The following ZNF385B variants were observed in gnomAD, a reference collection of about 807,000 sequenced individuals.
ZNF385B encodes zinc finger protein 385B.
ZNF385B carries 23 observed loss-of-function variants against 39.2 expected under a neutral mutation model. The observed-to-expected ratio is 0.59, with a 90% CI of 0.42 to 0.83. The LOEUF (loss-of-function observed/expected upper bound fraction) is 0.83. Ranked by LOEUF, ZNF385B falls within the 40% of genes least tolerant of loss-of-function variation. The pLI is 0.00. For synonymous variants in ZNF385B, 205 were observed against 222.6 expected (o/e 0.92, Z 0.70); for missense variants, 552 against 598.9 (o/e 0.92, Z 0.82).
intron 3 of ZNF385B, among the ~76,000 whole-genome samples, chr2:179,639,505 T>C (rs1692075479): frequency 6.6e-6 from 1 of 152,118 alleles, no homozygotes; most frequent in East Asian, 1.9e-4. Context: ...CAAAATATAA[T>C]ATTGTACAAG....
chr2:179,617,440 T>G (rs1689844687), intron 3 of ZNF385B, among the ~76,000 whole-genome samples: 3 of 152,220 alleles, frequency 2.0e-5, no homozygotes, highest in Non-Finnish European at 4.4e-5. Context: ...CAGAAAATTG[T>G]AAAGCATTGA....
At position 179,554,168 on chromosome 2, in the gene ZNF385B, C is replaced by G. The variant is rs2060757556; in HGVS notation, c.299-9199G>C. ...AAGCTTCAGTTACTGTGGTTACTAA[C>G]TACTCCTAATCCTTGACACTATGCC... is the stretch of plus-strand genomic sequence containing the variant. On this transcript the variant is annotated intron_variant, in intron 3 of 9. Coordinates refer to ENST00000410066, the MANE Select transcript of ZNF385B (RefSeq NM_152520.6). 1.3e-5 allele frequency among the ~76,000 whole-genome samples: 2 copies of G among 149,228 alleles called. 1 individual carries two copies. The highest frequency in any genetic ancestry group is 5.1e-5 in the African/African-American group (2 of 39,596).
intron 3 of ZNF385B, among the ~76,000 whole-genome samples, chr2:179,635,481 A>C (rs1042601158): frequency 3.9e-5 from 6 of 152,212 alleles, no homozygotes; most frequent in African/African-American, 1.4e-4. Flanking sequence ...ACGTATACCT[A>C]TGTATCAAAC....
Position 179,569,529 on chromosome 2 carries a change from G to A in ZNF385B, c.299-24560C>T, listed in dbSNP as rs541511081. On this transcript the variant is annotated intron_variant, in intron 3 of 9. Coordinates refer to ENST00000410066, the MANE Select transcript of ZNF385B (RefSeq NM_152520.6). ...CTGTGAAAACAGCATAATTTTCTAG[G>A]ACATGTTGTGAAGGCTGAGGTGATA... 9.3e-4 allele frequency among the ~76,000 whole-genome samples: 141 copies of A among 152,228 alleles called. 2 individuals carry two copies. The South Asian group carries it at 0.018, about 20-fold the overall frequency.
intron 6 of ZNF385B, 95 bp downstream of exon 6, chr2:179,483,177 A>G: frequency 7.4e-7 from 1 of 1,360,264 alleles, no homozygotes; most frequent in Non-Finnish European, 1.0e-6. Context: ...CAAATCATGG[A>G]GAGTAACATG....
Position 179,846,724 on chromosome 2 carries a change from T to C in ZNF385B, c.-155+14377A>G, listed in dbSNP as rs563782170. On this transcript the variant is annotated intron_variant, in intron 1 of 9. Coordinates refer to ENST00000410066, the MANE Select transcript of ZNF385B (RefSeq NM_152520.6). ...GAATTTAATGTGCAAACAAAACCCC[T>C]GAAGGTTTAAAGTAGAGATCCTGAT... Among the ~76,000 whole-genome samples, 133 of 152,342 alleles carry C rather than the reference T, an allele frequency of 8.7e-4. 1 individual carries two copies. Among genetic ancestry groups the C allele is most frequent in the Admixed American group, 2.5e-3 (38 of 15,304 alleles).
intron 1 of ZNF385B, among the ~76,000 whole-genome samples, chr2:179,857,010 CA>C (rs1391916875): frequency 6.6e-6 from 1 of 152,204 alleles, no homozygotes; most frequent in Non-Finnish European, 1.5e-5. Context: ...TCACCTATTT[CA>C]AAATTACCTG....
rs1704348556 is a variant in ZNF385B, at chr2:179,776,793, CTG to C, written c.-154-6123_-154-6122del. ...TCAAAAAATGTTCAGGGCGGGAAAA[CTG>C]ATAAAACATTGGAATTCTTGCAGCT... On this transcript the variant is annotated intron_variant, in intron 1 of 9. Transcript: ENST00000410066. Among the ~76,000 whole-genome samples the C allele has an allele frequency of 4.6e-5, 7 of 152,188 alleles. No homozygotes were observed. In the South Asian group the frequency reaches 1.5e-3, roughly 32 times the overall value.
chr2:179,745,562 T>C (rs1702329062), intron 3 of ZNF385B: 3 of 540,992 alleles, frequency 5.5e-6, no homozygotes, highest in Non-Finnish European at 8.8e-6. Flanking sequence ...AAGAATCATA[T>C]ATTTTGCTCT....
intron 3 of ZNF385B, among the ~76,000 whole-genome samples, chr2:179,714,951 A>AAAAAAAAAAAAAAAC (rs1475019296): frequency 1.3e-5 from 2 of 150,418 alleles, no homozygotes; most frequent in African/African-American, 4.9e-5. Flanking sequence ...TCAAAAAAAA[A>AAAAAAAAAAAAAAAC]AAAAAAAAAA....
rs1704536482 is a variant in ZNF385B, at chr2:179,779,437, G to A, written c.-154-8765C>T. On this transcript the variant is annotated intron_variant, in intron 1 of 9. Transcript: ENST00000410066. ...TCATGCAGGCCTTTGCAGGCAATGT[G>A]AGCTGTCAGTCTAGGGAAAGTGCAG... 2.0e-5 allele frequency among the ~76,000 whole-genome samples: 3 copies of A among 152,242 alleles called. No individual in the cohort carries two copies. The South Asian group carries it at 6.2e-4, about 31-fold the overall frequency.
chr2:179,523,950 G>GT (rs892558941), intron 4 of ZNF385B, among the ~76,000 whole-genome samples: 10 of 151,590 alleles, frequency 6.6e-5, no homozygotes, highest in South Asian at 2.1e-4. Flanking sequence ...GCCCAGCTAA[G>GT]TTTTTTTTTA....
chr2:179,610,939 G>T (rs935046076), intron 3 of ZNF385B, among the ~76,000 whole-genome samples: 16 of 151,792 alleles, frequency 1.1e-4, no homozygotes, highest in African/African-American at 2.9e-4. Flanking sequence ...CTAGTTTTTT[G>T]GTGGACTCTT....
intron 3 of ZNF385B, among the ~76,000 whole-genome samples, chr2:179,710,616 G>A (rs1018571607): frequency 2.6e-5 from 4 of 152,158 alleles, no homozygotes; most frequent in Non-Finnish European, 4.4e-5. Flanking sequence ...TTGTAATCCA[G>A]GCACCAGGCT....
At chr2:179,717,086 T>C (rs1442888913) in intron 3 of ZNF385B, among the ~76,000 whole-genome samples, 1 of 152,172 alleles carries the variant, frequency 6.6e-6, no homozygotes, top group Non-Finnish European at 1.5e-5. Flanking sequence ...TATGCAGCAA[T>C]GGTAACTGGG....
intron 3 of ZNF385B, among the ~76,000 whole-genome samples, chr2:179,617,248 T>C (rs1689828750): frequency 6.6e-6 from 1 of 152,204 alleles, no homozygotes; most frequent in Non-Finnish European, 1.5e-5. Flanking sequence ...ATATTCTTTC[T>C]GGGTTTGTAA....
At chr2:179,753,344 T>C (rs1331024074) in intron 3 of ZNF385B, among the ~76,000 whole-genome samples, 3 of 152,208 alleles carry the variant, frequency 2.0e-5, no homozygotes, top group Non-Finnish European at 2.9e-5. Context: ...ACTGTGGCCT[T>C]GTAGTATAGT....
At chr2:179,650,788 C>T (rs1037032045) in intron 3 of ZNF385B, among the ~76,000 whole-genome samples, 3 of 152,156 alleles carry the variant, frequency 2.0e-5, no homozygotes, top group Non-Finnish European at 4.4e-5. Flanking sequence ...ATCTATACAA[C>T]ATTATGAATT....
chr2:179,610,476 A>C (rs1689196875), intron 3 of ZNF385B, among the ~76,000 whole-genome samples: 1 of 152,108 alleles, frequency 6.6e-6, no homozygotes, highest in Admixed American at 6.6e-5. Flanking sequence ...TATAATTTGA[A>C]GTTAGATACT....
Sources: gnomAD v4.1 joint callset for allele counts (sites outside exome capture counted in the v4.1 genomes callset) on GRCh38, gnomAD v4.1.1 for gene constraint, MANE v1.5 for transcripts, NCBI Gene and HGNC (gene_info 2026-07-23, HGNC 2026-07-21) for gene names.